The following MYO3B variants were observed in gnomAD, a reference collection of about 807,000 sequenced individuals.
MYO3B encodes myosin-IIIb.
Under a neutral mutation model 174.6 loss-of-function variants are expected in MYO3B, and 156 were observed. The observed-to-expected ratio is 0.89, with a 90% confidence interval of 0.78 to 1.02. The LOEUF is 1.02. MYO3B is among the 50% of genes least tolerant of loss of function. MYO3B has a pLI of 0.00. For synonymous variants in MYO3B, 563 were observed against 569.1 expected (o/e 0.99, Z 0.15); for missense variants, 1,632 against 1,639.4 (o/e 1.00, Z 0.08).
chr2:170,426,746 G>A (rs1456611246), intron 22 of MYO3B, among the ~76,000 whole-genome samples: 2 of 152,106 alleles, frequency 1.3e-5, no homozygotes, highest in Admixed American at 6.6e-5. Flanking sequence ...AGGGCCAGGC[G>A]TGGCAGCTCA....
chr2:170,539,855 C>CA (rs926396747), intron 30 of MYO3B, among the ~76,000 whole-genome samples: 1 of 152,078 alleles, frequency 6.6e-6, no homozygotes, highest in African/African-American at 2.4e-5. Flanking sequence ...CTCCTGAACT[C>CA]AAACATTCCA....
At chr2:170,506,494 A>G (rs2106101252) in intron 28 of MYO3B, among the ~76,000 whole-genome samples, 1 of 152,300 alleles carries the variant, frequency 6.6e-6, no homozygotes, top group South Asian at 2.1e-4. Context: ...TCACTTACTT[A>G]ACTACTATTT....
Position 170,387,110 on chromosome 2 carries a change from A to G in MYO3B, c.1379A>G (p.Asn460Ser). Residue 460 changes from asparagine (N) to serine (S), a missense_variant, in exon 14 of 35, where the codon AAT becomes AGT. Asn to Ser is a conservative substitution (Grantham distance 46). Transcript: ENST00000408978. ...VQHLTFLGKA[N>S]NQTLREKILQ... is the part of the protein sequence containing the mutation. ...ACCGTTCTCTGTTTGGCACAGGCCA[A>G]TAATCAGACCTTGAGAGAGAAAATT... 6.2e-7 allele frequency: 1 copy of G among 1,613,960 alleles called. No individual in the cohort carries two copies. The highest frequency in any genetic ancestry group is 8.5e-7 in the Non-Finnish European group (1 of 1,179,840).
chr2:170,209,730 G>T (rs1363681974), intron 3 of MYO3B, among the ~76,000 whole-genome samples: 2 of 152,156 alleles, frequency 1.3e-5, no homozygotes, highest in Non-Finnish European at 2.9e-5. Context: ...TCTTCTCAAA[G>T]AAGTCTGGTT....
chr2:170,244,158 C>A (rs1006586371), intron 7 of MYO3B, among the ~76,000 whole-genome samples: 1 of 152,118 alleles, frequency 6.6e-6, no homozygotes, highest in African/African-American at 2.4e-5. Flanking sequence ...GTTGATGAGT[C>A]GTATGACTGG....
intron 7 of MYO3B, among the ~76,000 whole-genome samples, chr2:170,258,749 G>A (rs1420492086): frequency 6.6e-6 from 1 of 152,066 alleles, no homozygotes. Flanking sequence ...CATCCATATA[G>A]GAAAAGCAAA....
At chr2:170,287,822 T>A (rs759107988) in intron 7 of MYO3B, among the ~76,000 whole-genome samples, 46 of 152,122 alleles carry the variant, frequency 3.0e-4, no homozygotes, top group Admixed American at 1.3e-4. Flanking sequence ...AGAGCAATTT[T>A]CCCAATGTTT....
At chr2:170,293,446 C>T (rs1257750342) in intron 7 of MYO3B, among the ~76,000 whole-genome samples, 1 of 152,156 alleles carries the variant, frequency 6.6e-6, no homozygotes, top group African/African-American at 2.4e-5. Flanking sequence ...TCACTTCCCA[C>T]TTTAAGAGAA....
At chr2:170,202,712 T>C (rs2092675555) in intron 3 of MYO3B, among the ~76,000 whole-genome samples, 1 of 152,194 alleles carries the variant, frequency 6.6e-6, no homozygotes, top group Non-Finnish European at 1.5e-5. Flanking sequence ...TGGATGACAA[T>C]GATGGTCCAC....
At chr2:170,334,077 A>C (rs1255272413) in intron 7 of MYO3B, 1 of 152,144 alleles carries the variant, frequency 6.6e-6, no homozygotes, top group Non-Finnish European at 1.5e-5. Context: ...TTTCACTTTC[A>C]AGTTCATCTG....
rs548644847 is a variant in MYO3B at position 170,591,546 on chromosome 2, G to GT, written c.3733+47559dup. The stretch of plus-strand genomic sequence containing the variant: ...ACACAGTCATCAGTTGGCAGGTCTA[G>GT]TGTAGAAAGGGAGGGTGCAGCAGAG... On this transcript the variant is annotated intron_variant, in intron 32 of 34. Coordinates refer to ENST00000408978, the MANE Select transcript of MYO3B (RefSeq NM_138995.5). Among the ~76,000 whole-genome samples the GT allele has an allele frequency of 3.7e-4, 57 of 152,216 alleles. 1 individual carries two copies. Among genetic ancestry groups the GT allele is most frequent in the South Asian group, 3.1e-3 (15 of 4,826 alleles).
At chr2:170,519,187 A>G (rs1335175718) in intron 29 of MYO3B, among the ~76,000 whole-genome samples, 2 of 152,056 alleles carry the variant, frequency 1.3e-5, no homozygotes, top group African/African-American at 2.4e-5. Flanking sequence ...CTTTATATCT[A>G]TTGCCAGAGA....
At chr2:170,463,264 G>GC (rs1382963772) in intron 23 of MYO3B, 104 bp from the exon 24 acceptor site, 10 of 836,850 alleles carry the variant, frequency 1.2e-5, no homozygotes, top group Non-Finnish European at 2.0e-5. Context: ...AAATACCATG[G>GC]CCCCTCAGGT....
chr2:170,224,578 T>A (rs1174212625), intron 6 of MYO3B, among the ~76,000 whole-genome samples: 1 of 152,030 alleles, frequency 6.6e-6, no homozygotes, highest in Non-Finnish European at 1.5e-5. Flanking sequence ...ACCTATCACC[T>A]ATAATTTATA....
chr2:170,558,119 G>A (rs892739146), intron 32 of MYO3B, among the ~76,000 whole-genome samples: 9 of 152,138 alleles, frequency 5.9e-5, no homozygotes, highest in Admixed American at 1.3e-4. Flanking sequence ...GGCTAACACG[G>A]TGAAATCCCA....
chr2:170,231,307 C>T (rs2093013549), intron 6 of MYO3B, among the ~76,000 whole-genome samples: 1 of 152,200 alleles, frequency 6.6e-6, no homozygotes, highest in Non-Finnish European at 1.5e-5. Flanking sequence ...CTAGCCTTTG[C>T]TCCAAAGACC....
At chr2:170,213,886 C>CGT (rs1341676749) in intron 3 of MYO3B, among the ~76,000 whole-genome samples, 1 of 152,154 alleles carries the variant, frequency 6.6e-6, no homozygotes, top group African/African-American at 2.4e-5. Context: ...GCTTCTGATA[C>CGT]GTGCTAGCAC....
intron 32 of MYO3B, among the ~76,000 whole-genome samples, chr2:170,565,141 G>A (rs965828851): frequency 2.6e-5 from 4 of 151,860 alleles, no homozygotes; most frequent in African/African-American, 9.7e-5. Flanking sequence ...AATTTTTTTT[G>A]CATATCAAAC....
At chr2:170,334,355 G>A (rs968116937) in intron 7 of MYO3B, 1 of 152,160 alleles carries the variant, frequency 6.6e-6, no homozygotes, top group Non-Finnish European at 1.5e-5. Flanking sequence ...AATGGATATC[G>A]AGGGGCAAAT....
Sources: allele counts gnomAD v4.1 joint callset (sites outside exome capture counted in the v4.1 genomes callset), GRCh38; gene constraint gnomAD v4.1.1; transcripts MANE v1.5; gene names NCBI Gene and HGNC (gene_info 2026-07-23, HGNC 2026-07-21).